Variants in SLC25A25 observed in about 807,000 individuals in gnomAD.
SLC25A25 encodes solute carrier family 25 member 25, also known as mitochondrial adenyl nucleotide antiporter SLC25A25.
Under a neutral mutation model 57.7 loss-of-function variants are expected in SLC25A25, and 32 were observed. That is an observed-to-expected ratio of 0.55 (90% confidence interval 0.42 to 0.74). The LOEUF (loss-of-function observed/expected upper bound fraction) is 0.74. SLC25A25 is among the 30% of genes least tolerant of loss of function. SLC25A25 has a pLI of 0.00. For missense variants in SLC25A25, 556 were observed against 701.3 expected, an observed-to-expected ratio of 0.79 and a Z score of 2.34; for synonymous variants, 306 against 291.2, an observed-to-expected ratio of 1.05 and a Z score of -0.52.
intron 1 of SLC25A25, among the ~76,000 whole-genome samples, chr9:128,090,601 A>C (rs1833380077): frequency 6.7e-6 from 1 of 149,996 alleles, no homozygotes; most frequent in African/African-American, 2.4e-5. Flanking sequence ...ACTTGAGGTC[A>C]GGAGTTTGAG....
At chr9:128,083,609 A>C (rs1833208505) in intron 1 of SLC25A25, among the ~76,000 whole-genome samples, 1 of 140,676 alleles carries the variant, frequency 7.1e-6, no homozygotes, top group Non-Finnish European at 1.5e-5. Context: ...TCCCGGGCTT[A>C]CGCCATTCTC....
Position 128,103,984 on chromosome 9 carries a change from A to G in SLC25A25, c.783+145A>G. ...ATAAATTAGACTAGAATTATTGCTC[A>G]GACAGGGGGTACCAAAATGTCACTG... On this transcript the variant is annotated intron_variant, in intron 6 of 10. Coordinates refer to ENST00000373069, the MANE Select transcript of SLC25A25 (RefSeq NM_001330988.2). The surrounding 1 kb of genome is among the most constrained non-coding windows in gnomAD (Gnocchi z 6.7). The G allele has an allele frequency of 2.4e-6, 2 of 828,602 alleles. No homozygotes were observed. The highest frequency in any genetic ancestry group is 3.6e-6 in the Non-Finnish European group (2 of 558,646). 51.3% of individuals were successfully genotyped at this position (828,602 alleles called of 1,614,324 possible).
At chr9:128,074,895 G>C (rs1477737392) in intron 1 of SLC25A25, among the ~76,000 whole-genome samples, 1 of 151,994 alleles carries the variant, frequency 6.6e-6, no homozygotes, top group African/African-American at 2.4e-5. Flanking sequence ...CAGCACTTTG[G>C]GAGGCTGAGG....
chr9:128,100,750 C>A (rs998990628), intron 1 of SLC25A25: 5 of 258,848 alleles, frequency 1.9e-5, no homozygotes, highest in African/African-American at 9.0e-5. Context: ...CCCTGCTCAC[C>A]CTGGCTGTAC....
At chr9:128,078,025 CAA>C (rs879465169) in intron 1 of SLC25A25, among the ~76,000 whole-genome samples, 17 of 123,222 alleles carry the variant, frequency 1.4e-4, no homozygotes, top group South Asian at 5.3e-4. Context: ...GACTCTGTCT[CAA>C]AAAAAAAAAA....
rs1834121115 is a variant in SLC25A25 at position 128,107,943 on chromosome 9, T to C, written c.*499T>C. 1 of 399,058 alleles carries C rather than the reference T, an allele frequency of 2.5e-6. No individual in the cohort carries two copies. 24.7% of individuals were successfully genotyped at this position (399,058 alleles called of 1,614,324 possible). ...CAATCCCATAATCCATGATGAAAGG[T>C]GAGGTCACGTGGCCTCCCAGGCCTG... On this transcript the variant is annotated 3_prime_UTR_variant, in exon 11 of 11. Transcript: ENST00000373069.
At chr9:128,098,046 C>T (rs1833617493) in intron 1 of SLC25A25, among the ~76,000 whole-genome samples, 1 of 152,262 alleles carries the variant, frequency 6.6e-6, no homozygotes, top group African/African-American at 2.4e-5. Context: ...CACAGCTGAA[C>T]TGGGCCCGTT....
At chr9:128,105,991 C>G (rs1265389575) in intron 7 of SLC25A25, 110 bp downstream of exon 7, 3 of 1,547,654 alleles carry the variant, frequency 1.9e-6, no homozygotes, top group Non-Finnish European at 2.6e-6. Context: ...GCCGTGGTAC[C>G]CCAGGGACAG....
intron 8 of SLC25A25, 47 bp from the exon 9 acceptor site, chr9:128,106,306 G>T (rs1314527639): frequency 6.2e-7 from 1 of 1,614,020 alleles, no homozygotes; most frequent in Admixed American, 1.7e-5. Context: ...CAGGACTGGG[G>T]AGAGGCACAG....
chr9:128,072,872 G>A (rs1412869027), intron 1 of SLC25A25, among the ~76,000 whole-genome samples: 9 of 152,138 alleles, frequency 5.9e-5, no homozygotes, highest in Non-Finnish European at 1.0e-4. Flanking sequence ...TAGAACTCAG[G>A]CAGCCAATTA....
intron 1 of SLC25A25, among the ~76,000 whole-genome samples, chr9:128,083,227 CA>C (rs1190331501): frequency 0.017 from 1,075 of 62,876 alleles, 19 homozygotes; most frequent in African/African-American, 0.037. Context: ...GACTCCGTCT[CA>C]AAAAAAAAAA....
chr9:128,100,149 T>C (rs1173953077), intron 1 of SLC25A25, among the ~76,000 whole-genome samples: 1 of 152,090 alleles, frequency 6.6e-6, no homozygotes, highest in African/African-American at 2.4e-5. Flanking sequence ...TTTCCTTCTC[T>C]GTAAAATGGG....
In SLC25A25 at chr9:128,097,841, G is replaced by C. The variant is rs1236612732; in HGVS notation, c.262-3255G>C. On this transcript the variant is annotated intron_variant, in intron 1 of 10. Coordinates refer to ENST00000373069, the MANE Select transcript of SLC25A25 (RefSeq NM_001330988.2). ...AAGGCTGGTGCTCACATTGCAGAAT[G>C]GCCTGGAAGAGGTTTCAATGCAATG... is the stretch of plus-strand genomic sequence containing the variant. 3.3e-5 allele frequency among the ~76,000 whole-genome samples: 5 copies of C among 152,330 alleles called. No individual in the cohort carries two copies. In the East Asian group the frequency reaches 9.6e-4, roughly 29 times the overall value.
rs1416277444 is a variant in SLC25A25 at position 128,102,031 on chromosome 9, AT to A, written c.477-48del. On this transcript the variant is annotated intron_variant, in intron 3 of 10. Transcript: ENST00000373069. The surrounding 1 kb of genome is among the most constrained non-coding windows in gnomAD (Gnocchi z 4.1). ...TTCACTAACATGGCTCCGAGCACTT[AT>A]GCGTGTTGTTTCTGCTCTCTCCTCC... The A allele has an allele frequency of 1.9e-6, 3 of 1,549,364 alleles. No homozygotes were observed. Among genetic ancestry groups the A allele is most frequent in the Admixed American group, 3.9e-5 (2 of 50,968 alleles).
At chr9:128,098,956 T>C (rs1833674567) in intron 1 of SLC25A25, 3 of 985,268 alleles carry the variant, frequency 3.0e-6, no homozygotes, top group African/African-American at 1.7e-5. Flanking sequence ...TTGTGAGAAA[T>C]GGACTTTCAG....
Position 128,106,504 on chromosome 9 carries a change from A to T in SLC25A25, c.1196A>T (p.Asp399Val). 1 of 1,607,408 alleles carries T rather than the reference A, an allele frequency of 6.2e-7. No homozygotes were observed. Among genetic ancestry groups the T allele is most frequent in the Non-Finnish European group, 8.5e-7 (1 of 1,178,338 alleles). The stretch of plus-strand genomic sequence containing the variant: ...GGCATCATCCCCTATGCCGGCATCG[A>T]CCTTGCAGTCTACGAGGTGAGGCCC... The part of the protein sequence containing the change: ...MLGIIPYAGI[D>V]LAVYETLKNA... The change falls in exon 9 of 11, where the codon GAC (aspartate) becomes GTC (valine). Residue 399 changes from aspartate to valine, a missense_variant. Transcript: ENST00000373069.
chr9:128,068,511 C>T lies in SLC25A25; in HGVS notation c.192C>T (p.Gly64=), dbSNP rs538130770. Residue 64 remains glycine (G), a synonymous_variant, in exon 1 of 11, where the codon GGC becomes GGT. Transcript: ENST00000373069. Reference sequence around the variant, plus strand: ...CGCTCGACGTCAACCGGGACGGCGGCCTGTGTGTCAACGACCTGGCGGTGG... The same window carrying T: ...CGCTCGACGTCAACCGGGACGGCGGTCTGTGTGTCAACGACCTGGCGGTGG... ...FQTLDVNRDG[G]LCVNDLAVGL... is the part of the protein sequence containing the mutation. 6.6e-7 allele frequency: 1 copy of T among 1,506,282 alleles called. No homozygotes were observed. The highest frequency in any genetic ancestry group is 8.8e-7 in the Non-Finnish European group (1 of 1,133,326). 93.3% of individuals were successfully genotyped at this position (1,506,282 alleles called of 1,614,324 possible).
intron 1 of SLC25A25, among the ~76,000 whole-genome samples, chr9:128,070,766 A>G (rs1011181551): frequency 2.0e-5 from 3 of 151,324 alleles, no homozygotes; most frequent in Non-Finnish European, 4.4e-5. Context: ...AGCCTGACCA[A>G]TTTGGAGAAA....
chr9:128,099,026 G>A lies in SLC25A25; in HGVS notation c.262-2070G>A. The A allele has an allele frequency of 2.0e-6, 2 of 985,454 alleles. No homozygotes were observed. The highest frequency in any genetic ancestry group is 1.2e-6 in the Non-Finnish European group (1 of 829,926). The allele number at this position is 985,454 out of a possible 1,614,324, so 61.0% of individuals were successfully genotyped here. A position where few individuals can be genotyped will look rare whatever the true frequency, so the allele number is the denominator to read the frequency against. ...TTCCTGAGAAGTACAGAGCCAGAAA[G>A]GGACCTGGGGGGCAGGCCAGTAGTG... On this transcript the variant is annotated intron_variant, in intron 1 of 10. Transcript: ENST00000373069. This position sits in a 1 kb window ranked among gnomAD's most constrained non-coding sequence, Gnocchi z 6.8.
Sources: gnomAD v4.1 joint callset for allele counts (sites outside exome capture counted in the v4.1 genomes callset) on GRCh38, gnomAD v4.1.1 for gene constraint, Gnocchi (gnomAD v3.1) non-coding constraint, MANE v1.5 for transcripts, NCBI Gene and HGNC (gene_info 2026-07-23, HGNC 2026-07-21) for gene names.